ARHGEF10L: variants seen among roughly 807,000 people sequenced by gnomAD.
ARHGEF10L encodes the protein Rho guanine nucleotide exchange factor 10 like.
Under a neutral mutation model 141.2 loss-of-function variants are expected in ARHGEF10L, and 69 were observed. The observed-to-expected ratio is 0.49, with a 90% CI of 0.40 to 0.60. ARHGEF10L has a LOEUF of 0.60. ARHGEF10L is among the 20% of genes least tolerant of loss of function. The pLI is 0.00. For synonymous variants in ARHGEF10L, 711 were observed against 718.5 expected (o/e 0.99, Z 0.17); for missense variants, 1,482 against 1,734.3 (o/e 0.85, Z 2.58).
At chr1:17,597,389 G>A (rs1404460665) in intron 4 of ARHGEF10L, among the ~76,000 whole-genome samples, 1 of 152,082 alleles carries the variant, frequency 6.6e-6, no homozygotes, top group Admixed American at 6.6e-5. Context: ...AGGCTGCTCC[G>A]GGTGGGTACA....
At position 17,621,864 on chromosome 1, in the gene ARHGEF10L, G is replaced by A. The variant is rs1373619932; in HGVS notation, c.943G>A (p.Val315Met). The A allele has an allele frequency of 6.2e-7, 1 of 1,614,028 alleles. No homozygotes were observed. The highest frequency in any genetic ancestry group is 8.5e-7 in the Non-Finnish European group (1 of 1,180,030). The change falls in exon 11 of 29, where the codon GTG becomes ATG. Residue 315 changes from valine (V) to methionine (M), a missense_variant and splice_region_variant. Around this residue, in one of 3 missense-constraint regions of ARHGEF10L, gnomAD observed 392 missense variants for 542.1 expected, o/e 0.72. Transcript: ENST00000361221. The surrounding 1 kb of genome is among the most constrained non-coding windows in gnomAD (Gnocchi z 4.1). ...PMPEGLSPQQ[V>M]VRRHILGSIV... ...TGACCGTGCTTTTTGGCCCGAGCAG[G>A]TGGTCCGGAGGCATATCCTGGGCTC...
intron 26 of ARHGEF10L, among the ~76,000 whole-genome samples, chr1:17,674,361 C>T (rs1007935154): frequency 1.2e-4 from 19 of 152,196 alleles, no homozygotes; most frequent in Admixed American, 9.8e-4. Context: ...GAGAAGCGAG[C>T]TTCATAGAGT....
chr1:17,563,015 A>T (rs540084120), intron 1 of ARHGEF10L, among the ~76,000 whole-genome samples: 72 of 152,300 alleles, frequency 4.7e-4, no homozygotes, highest in Non-Finnish European at 8.7e-4. Context: ...GAGAGGCCTC[A>T]TTCTGAGAAA....
In ARHGEF10L at chr1:17,580,756, G is replaced by T. The variant is rs2078473653; in HGVS notation, c.37+124G>T. The T allele has an allele frequency of 8.6e-6, 10 of 1,159,378 alleles. No individual in the cohort carries two copies. In the South Asian group the frequency reaches 1.0e-4, roughly 12 times the overall value. The allele number at this position is 1,159,378 out of a possible 1,614,324, so 71.8% of individuals were successfully genotyped here. Reference sequence around the variant, plus strand: ...TGGGAAGTCTGCTCTGCTGGCTGCTGGCCCTGCCTGGGCCGCATCCTCTAT... The same window carrying T: ...TGGGAAGTCTGCTCTGCTGGCTGCTTGCCCTGCCTGGGCCGCATCCTCTAT... On this transcript the variant is annotated intron_variant, in intron 2 of 28. Coordinates refer to ENST00000361221, the MANE Select transcript of ARHGEF10L (RefSeq NM_018125.4).
chr1:17,661,072 T>C (rs2062594183), intron 25 of ARHGEF10L, among the ~76,000 whole-genome samples: 1 of 152,140 alleles, frequency 6.6e-6, no homozygotes, highest in Non-Finnish European at 1.5e-5. Context: ...ACTCAGGGAC[T>C]CCTGTCCAGT....
Position 17,541,161 on chromosome 1 carries a change from C to T in ARHGEF10L, c.-44+1211C>T, listed in dbSNP as rs563166576. On this transcript the variant is annotated intron_variant, in intron 1 of 28. Coordinates refer to ENST00000361221, the MANE Select transcript of ARHGEF10L (RefSeq NM_018125.4). ...GCCTTCCTGAGGCCCCCTGTCCCTT[C>T]CCCTTCCACCAAAGAGCCTCTGTGG... Among the ~76,000 whole-genome samples the T allele has an allele frequency of 5.2e-3, 785 of 152,308 alleles. 7 individuals carry two copies. Among genetic ancestry groups the T allele is most frequent in the Middle Eastern group, 0.041 (12 of 294 alleles).
intron 4 of ARHGEF10L, among the ~76,000 whole-genome samples, chr1:17,589,548 G>C (rs966045099): frequency 1.3e-5 from 2 of 152,246 alleles, no homozygotes; most frequent in Non-Finnish European, 2.9e-5. Context: ...GCAGGTTGCA[G>C]GCCCAGGCCC....
intron 22 of ARHGEF10L, among the ~76,000 whole-genome samples, chr1:17,652,592 T>C (rs1163528568): frequency 6.6e-6 from 1 of 151,730 alleles, no homozygotes; most frequent in Non-Finnish European, 1.5e-5. Flanking sequence ...GACACCGGAG[T>C]CTATTCTGTG....
At chr1:17,546,710 C>T (rs151042723) in intron 1 of ARHGEF10L, among the ~76,000 whole-genome samples, 190 of 152,112 alleles carry the variant, frequency 1.2e-3, no homozygotes, top group Non-Finnish European at 2.0e-3. Context: ...TTTTTTAATT[C>T]AGTGTTGGCA....
At chr1:17,556,360 C>A (rs1355983496) in intron 1 of ARHGEF10L, among the ~76,000 whole-genome samples, 9 of 151,942 alleles carry the variant, frequency 5.9e-5, no homozygotes, top group Non-Finnish European at 1.0e-4. Context: ...TGTCATTCAC[C>A]CTTTTATGAC....
intron 4 of ARHGEF10L, 77 bp downstream of exon 4, chr1:17,588,556 C>A (rs900393825): frequency 1.3e-5 from 20 of 1,582,522 alleles, no homozygotes; most frequent in Non-Finnish European, 1.7e-5. Flanking sequence ...TGGGGTGGAG[C>A]TGAGGCCCAG....
Position 17,664,349 on chromosome 1 carries a change from G to A in ARHGEF10L, c.2861-98G>A, listed in dbSNP as rs561718171. On this transcript the variant is annotated intron_variant, in intron 25 of 28. Transcript: ENST00000361221. ...AGGCCCTGGAGAGCGGGGAGAGGGT[G>A]TGGGGGGCCCTGCTGAGCCCCCTGC... is the stretch of plus-strand genomic sequence containing the variant. The A allele has an allele frequency of 9.5e-6, 13 of 1,367,062 alleles. No individual in the cohort carries two copies. The Admixed American group carries it at 1.4e-4, about 15-fold the overall frequency. The allele number at this position is 1,367,062 out of a possible 1,614,324, so 84.7% of individuals were successfully genotyped here.
intron 4 of ARHGEF10L, among the ~76,000 whole-genome samples, chr1:17,593,430 G>C (rs2079770873): frequency 6.6e-6 from 1 of 152,188 alleles, no homozygotes; most frequent in Non-Finnish European, 1.5e-5. Context: ...GAGGGGTTTT[G>C]AGATGGGGAG....
At chr1:17,587,757 G>T in intron 3 of ARHGEF10L, 112 bp downstream of exon 3, 1 of 1,242,632 alleles carries the variant, frequency 8.0e-7, no homozygotes, top group Non-Finnish European at 1.1e-6. Context: ...TCCCCAGAAA[G>T]CAGGAAGGGA....
At chr1:17,686,163 CTG>C (rs2064576941) in intron 26 of ARHGEF10L, among the ~76,000 whole-genome samples, 1 of 149,014 alleles carries the variant, frequency 6.7e-6, no homozygotes, top group South Asian at 2.1e-4. Context: ...CATGCAGTGT[CTG>C]TAAGTGTGAG....
intron 2 of ARHGEF10L, among the ~76,000 whole-genome samples, chr1:17,586,216 G>T (rs2079012238): frequency 6.6e-6 from 1 of 152,224 alleles, no homozygotes; most frequent in African/African-American, 2.4e-5. Flanking sequence ...GTTCATGTCA[G>T]CCTTATGGGG....
chr1:17,532,152 C>A, the ARHGEF10L span, among the ~76,000 whole-genome samples: 1 of 152,184 alleles, frequency 6.6e-6, no homozygotes, highest in South Asian at 2.1e-4. Context: ...CCTGGGCTCT[C>A]TCCCTGCTCC....
chr1:17,653,042 A>C (rs182349241), intron 22 of ARHGEF10L, among the ~76,000 whole-genome samples: 33 of 152,268 alleles, frequency 2.2e-4, no homozygotes, highest in African/African-American at 7.9e-4. Context: ...GAAGTGCTAG[A>C]ATATCCCATG....
intron 26 of ARHGEF10L, among the ~76,000 whole-genome samples, chr1:17,674,926 A>G (rs890621299): frequency 7.2e-5 from 11 of 152,136 alleles, no homozygotes; most frequent in Non-Finnish European, 1.3e-4. Flanking sequence ...GATCTGTGTA[A>G]GGTCACTCTA....
Sources: allele counts gnomAD v4.1 joint callset (sites outside exome capture counted in the v4.1 genomes callset), GRCh38; gene constraint gnomAD v4.1.1; regional missense constraint gnomAD v4.1.1; non-coding constraint Gnocchi (gnomAD v3.1); transcripts MANE v1.5; gene names NCBI Gene and HGNC (gene_info 2026-07-23, HGNC 2026-07-21).